SSBP3: variants seen among roughly 807,000 people sequenced by gnomAD.
SSBP3 encodes the protein single-stranded DNA-binding protein 3.
A neutral mutation model predicts 69.6 loss-of-function variants in SSBP3; 5 were observed. The ratio of observed to expected loss-of-function variants is 0.07; its 90% CI spans 0.04 to 0.15. The LOEUF (loss-of-function observed/expected upper bound fraction) is 0.15, where lower values mean the gene tolerates loss of function less well. Among genes scored for constraint, SSBP3 ranks in the 10% least tolerant of loss-of-function variants. The pLI is 1.00. For synonymous variants in SSBP3, 196 were observed against 193.4 expected (o/e 1.01, Z -0.11); for missense variants, 312 against 534.0 (o/e 0.58, Z 4.10).
chr1:54,382,650 C>T (rs1291966415), intron 4 of SSBP3, among the ~76,000 whole-genome samples: 1 of 152,018 alleles, frequency 6.6e-6, no homozygotes, highest in African/African-American at 2.4e-5. Flanking sequence ...AGGCAGTAAG[C>T]ATTTCAGGCC....
At chr1:54,347,429 A>G (rs1646707814) in intron 4 of SSBP3, among the ~76,000 whole-genome samples, 1 of 150,074 alleles carries the variant, frequency 6.7e-6, no homozygotes, top group African/African-American at 2.5e-5. Context: ...TTGAACTACT[A>G]GCCTCAAACA....
intron 5 of SSBP3, among the ~76,000 whole-genome samples, chr1:54,265,445 C>T (rs1338722893): frequency 1.3e-5 from 2 of 152,150 alleles, no homozygotes; most frequent in Non-Finnish European, 2.9e-5. Flanking sequence ...GGCACATGCA[C>T]GGTAGGTGGG....
intron 5 of SSBP3, among the ~76,000 whole-genome samples, chr1:54,264,188 G>C (rs968700740): frequency 6.6e-6 from 1 of 152,014 alleles, no homozygotes; most frequent in Non-Finnish European, 1.5e-5. Flanking sequence ...TGTGGCCCCA[G>C]TTACTCAGGA....
intron 4 of SSBP3, among the ~76,000 whole-genome samples, chr1:54,320,546 CT>C (rs528970888): frequency 4.4e-4 from 67 of 152,208 alleles, no homozygotes; most frequent in African/African-American, 1.5e-3. Flanking sequence ...TCTTGATCTC[CT>C]GACCTCGTGA....
chr1:54,239,009 T>C (rs1644555728), intron 14 of SSBP3, 120 bp downstream of exon 14: 1 of 909,534 alleles, frequency 1.1e-6, no homozygotes, highest in Admixed American at 2.1e-5. Flanking sequence ...GACGGTTTAT[T>C]TTATTCATCT....
chr1:54,352,694 T>C (rs1181593556), intron 4 of SSBP3, among the ~76,000 whole-genome samples: 2 of 152,176 alleles, frequency 1.3e-5, no homozygotes, highest in South Asian at 4.1e-4. Flanking sequence ...CATGCGAGCA[T>C]CTAGCGTGAT....
At chr1:54,303,486 C>T (rs1029136941) in intron 4 of SSBP3, among the ~76,000 whole-genome samples, 2 of 152,222 alleles carry the variant, frequency 1.3e-5, no homozygotes, top group African/African-American at 4.8e-5. Flanking sequence ...CCATGCTGAG[C>T]CCTTCCTTGC....
intron 4 of SSBP3, among the ~76,000 whole-genome samples, chr1:54,316,611 G>A (rs1224356208): frequency 2.9e-5 from 4 of 137,204 alleles, no homozygotes; most frequent in Admixed American, 7.6e-5. Context: ...ACTGCAGTCC[G>A]CAGTCCCACC....
chr1:54,395,354 A>T (rs902661602), intron 4 of SSBP3, among the ~76,000 whole-genome samples: 2 of 152,230 alleles, frequency 1.3e-5, no homozygotes, highest in African/African-American at 2.4e-5. Flanking sequence ...TGAAGCTGAA[A>T]TGCAAATCTA....
intron 4 of SSBP3, among the ~76,000 whole-genome samples, chr1:54,354,942 G>GA (rs1646840132): frequency 6.6e-6 from 1 of 152,216 alleles, no homozygotes; most frequent in South Asian, 2.1e-4. Flanking sequence ...AAAGGTGAAT[G>GA]AAAAATCATG....
At chr1:54,295,056 C>T (rs1220811039) in intron 4 of SSBP3, among the ~76,000 whole-genome samples, 1 of 152,118 alleles carries the variant, frequency 6.6e-6, no homozygotes, top group African/African-American at 2.4e-5. Flanking sequence ...ACAGAGCAAG[C>T]CCTGAGCTCA....
intron 4 of SSBP3, among the ~76,000 whole-genome samples, chr1:54,399,219 G>A (rs1233632556): frequency 6.6e-6 from 1 of 152,254 alleles, no homozygotes; most frequent in South Asian, 2.1e-4. Context: ...TCGCCCGAAA[G>A]ACAACCCTAA....
Position 54,258,323 on chromosome 1 carries a change from G to A in SSBP3, c.367-174C>T, listed in dbSNP as rs1030904415. The stretch of plus-strand genomic sequence containing the variant: ...CTGCTGCTTTGGTCGCCGGCTCAAC[G>A]GTGTAAAACGGCGAGCGGGAGCGAG... On this transcript the variant is annotated intron_variant, in intron 5 of 17. Transcript: ENST00000610401. This position sits in a 1 kb window ranked among gnomAD's most constrained non-coding sequence, Gnocchi z 4.5. 4.0e-5 allele frequency among the ~76,000 whole-genome samples: 6 copies of A among 151,848 alleles called. No individual in the cohort carries two copies. The highest frequency in any genetic ancestry group is 1.3e-4 in the Admixed American group (2 of 15,268).
chr1:54,395,484 C>G (rs1029899005), intron 4 of SSBP3, among the ~76,000 whole-genome samples: 4 of 152,188 alleles, frequency 2.6e-5, no homozygotes, highest in African/African-American at 4.8e-5. Context: ...ACAGACATCT[C>G]AGAGACGCCA....
At chr1:54,311,782 C>T (rs1280787304) in intron 4 of SSBP3, among the ~76,000 whole-genome samples, 1 of 152,134 alleles carries the variant, frequency 6.6e-6, no homozygotes, top group Non-Finnish European at 1.5e-5. Context: ...ACCATCATCA[C>T]TATAAAAAAG....
intron 5 of SSBP3, among the ~76,000 whole-genome samples, chr1:54,274,380 C>T (rs1042805094): frequency 2.7e-4 from 40 of 149,778 alleles, no homozygotes; most frequent in Non-Finnish European, 4.6e-4. Flanking sequence ...AGAGTGCTTC[C>T]ACCAGCAACT....
At chr1:54,410,702 T>C (rs1278718497), upstream of SSBP3, among the ~76,000 whole-genome samples, 3 of 152,214 alleles carry the variant, frequency 2.0e-5, no homozygotes, top group Non-Finnish European at 4.4e-5. Context: ...CTGGCAGACT[T>C]TGGGCAAGTG....
intron 9 of SSBP3, among the ~76,000 whole-genome samples, chr1:54,250,921 C>T (rs771106154): frequency 1.0e-3 from 158 of 152,278 alleles, no homozygotes; most frequent in Non-Finnish European, 6.9e-4. Context: ...CGAGGGGCAA[C>T]GACTTTGTTG....
chr1:54,312,748 G>A (rs1240065298), intron 4 of SSBP3, among the ~76,000 whole-genome samples: 1 of 152,132 alleles, frequency 6.6e-6, no homozygotes, highest in Non-Finnish European at 1.5e-5. Context: ...CCATGTCAGG[G>A]GGCTACCAGG....
Sources: allele counts gnomAD v4.1 joint callset (sites outside exome capture counted in the v4.1 genomes callset), GRCh38; gene constraint gnomAD v4.1.1; non-coding constraint Gnocchi (gnomAD v3.1); transcripts MANE v1.5; gene names NCBI Gene and HGNC (gene_info 2026-07-23, HGNC 2026-07-21).